CFAP47: variants seen among roughly 807,000 people sequenced by gnomAD.
The protein encoded by CFAP47 is cilia and flagella associated protein 47, also known as cilia- and flagella-associated protein 47.
A neutral mutation model predicts 148.1 loss-of-function variants in CFAP47; 29 were observed. That is an observed-to-expected ratio of 0.20 (90% CI 0.15 to 0.27). The LOEUF is 0.27. Ranked by LOEUF, CFAP47 falls within the 10% of genes least tolerant of loss-of-function variation. The pLI is 1.00. For synonymous variants in CFAP47, 664 were observed against 577.3 expected (o/e 1.15, Z -2.15); for missense variants, 1,872 against 1,697.5 (o/e 1.10, Z -1.81).
At position 36,137,966 on chromosome X, in the gene CFAP47, C is replaced by T; in HGVS notation, c.5329C>T (p.Pro1777Ser). 1 of 713,574 alleles carries T rather than the reference C, an allele frequency of 1.4e-6. No homozygotes were observed. The highest frequency in any genetic ancestry group is 2.2e-6 in the Non-Finnish European group (1 of 455,172). 58.8% of individuals were successfully genotyped at this position (713,574 alleles called of 1,213,427 possible). ...CCTCTTTTTTGAAACAGATGTTATC[C>T]CTTCTGAGAGATGGATAGTAAATTT... ...IWKNCHKDVI[P>S]SERWIVNFDK... Residue 1777 changes from proline (P) to serine (S), a missense_variant, in exon 34 of 64, where the codon CCT becomes TCT. Coordinates refer to ENST00000378653, the MANE Select transcript of CFAP47 (RefSeq NM_001304548.2).
intron 4 of CFAP47, among the ~76,000 whole-genome samples, chrX:35,948,811 G>A (rs1404174874): frequency 9.1e-6 from 1 of 109,614 alleles, no homozygotes; most frequent in Non-Finnish European, 1.9e-5. Context: ...GTGTGTGTGT[G>A]TGTGTGTAGG....
intron 37 of CFAP47, among the ~76,000 whole-genome samples, chrX:36,154,061 T>C (rs1427473575): frequency 8.9e-6 from 1 of 112,067 alleles, no homozygotes; most frequent in African/African-American, 3.2e-5. Flanking sequence ...AATCTCCTTA[T>C]CAAACAGTTC....
intron 6 of CFAP47, among the ~76,000 whole-genome samples, chrX:35,953,204 A>G (rs1491003441): frequency 8.9e-6 from 1 of 112,314 alleles, no homozygotes; most frequent in Admixed American, 9.5e-5. Flanking sequence ...ATTTGTAACA[A>G]ATGTTTTTTA....
At chrX:35,932,249 T>A (rs1021639975) in intron 2 of CFAP47, among the ~76,000 whole-genome samples, 7 of 104,928 alleles carry the variant, frequency 6.7e-5, no homozygotes, top group Non-Finnish European at 1.4e-4. Context: ...TTTTCTTTTC[T>A]TTCTTTCTTT....
At chrX:35,933,191 C>T (rs766583211) in intron 2 of CFAP47, among the ~76,000 whole-genome samples, 23 of 110,253 alleles carry the variant, frequency 2.1e-4, no homozygotes, top group South Asian at 1.2e-3. Flanking sequence ...TATTTTTACA[C>T]GCATTAACCC....
chrX:36,311,325 T>A (rs915957881), intron 56 of CFAP47, among the ~76,000 whole-genome samples: 8 of 111,279 alleles, frequency 7.2e-5, no homozygotes, highest in Admixed American at 9.6e-5. Flanking sequence ...ATAGAAATTC[T>A]GATATGGTGA....
chrX:36,144,241 A>G (rs898770408), intron 35 of CFAP47, among the ~76,000 whole-genome samples: 2 of 111,179 alleles, frequency 1.8e-5, no homozygotes, highest in Non-Finnish European at 3.8e-5. Flanking sequence ...CATAATTTCT[A>G]GAGTGTAGTG....
intron 40 of CFAP47, among the ~76,000 whole-genome samples, chrX:36,181,656 A>G (rs989975734): frequency 4.5e-5 from 5 of 112,215 alleles, no homozygotes; most frequent in Admixed American, 1.9e-4. Flanking sequence ...ATGCTGAGAC[A>G]TTGAGTGTTG....
intron 33 of CFAP47, among the ~76,000 whole-genome samples, chrX:36,121,403 G>C (rs1350011579): frequency 9.0e-6 from 1 of 110,672 alleles, no homozygotes; most frequent in Non-Finnish European, 1.9e-5. Context: ...CTGCCATTTT[G>C]TTGCTTGTTT....
In CFAP47 at chrX:36,033,210, C is replaced by T. The variant is rs145939927; in HGVS notation, c.3651+1863C>T. 4.4e-3 allele frequency among the ~76,000 whole-genome samples: 488 copies of T among 111,951 alleles called. 1 individual carries two copies. Among genetic ancestry groups the T allele is most frequent in the African/African-American group, 0.015 (465 of 30,918 alleles). On this transcript the variant is annotated intron_variant, in intron 23 of 63. Coordinates refer to ENST00000378653, the MANE Select transcript of CFAP47 (RefSeq NM_001304548.2). The stretch of plus-strand genomic sequence containing the variant: ...AGAAAACTAACATAAGCCATATTGG[C>T]GTCACATTTAGATAAAAACTCAAAT...
chrX:36,116,236 T>C (rs1198549095), intron 33 of CFAP47, among the ~76,000 whole-genome samples: 1 of 111,399 alleles, frequency 9.0e-6, no homozygotes, highest in Non-Finnish European at 1.9e-5. Flanking sequence ...CCTTTTTGAG[T>C]CTCCAGTGTC....
intron 39 of CFAP47, among the ~76,000 whole-genome samples, chrX:36,169,117 T>C (rs933338475): frequency 2.7e-5 from 3 of 111,272 alleles, no homozygotes; most frequent in African/African-American, 9.8e-5. Flanking sequence ...TCTTCCAGCA[T>C]TTCAGATGGA....
chrX:36,290,702 C>A (rs1190282765), intron 51 of CFAP47, among the ~76,000 whole-genome samples: 1 of 112,349 alleles, frequency 8.9e-6, no homozygotes, highest in Non-Finnish European at 1.9e-5. Context: ...TATCAAGGGG[C>A]TCTCCCCATC....
chrX:36,257,316 A>G (rs1487768855), intron 49 of CFAP47, among the ~76,000 whole-genome samples: 1 of 112,231 alleles, frequency 8.9e-6, no homozygotes, highest in Non-Finnish European at 1.9e-5. Context: ...ATTTAAGCAT[A>G]TGAACAAAAC....
At chrX:36,346,476 C>A (rs781885016) in intron 57 of CFAP47, among the ~76,000 whole-genome samples, 64 of 111,580 alleles carry the variant, frequency 5.7e-4, no homozygotes, top group African/African-American at 2.0e-3. Context: ...CAACTAGGAG[C>A]AGATGCCCCT....
At chrX:36,053,476 A>G (rs975494768) in intron 26 of CFAP47, among the ~76,000 whole-genome samples, 2 of 111,554 alleles carry the variant, frequency 1.8e-5, no homozygotes, top group African/African-American at 6.5e-5. Flanking sequence ...ATAATACCAT[A>G]CACTTGTCCA....
intron 47 of CFAP47, among the ~76,000 whole-genome samples, 191 bp downstream of exon 47, chrX:36,236,268 TAAC>T (rs1940464393): frequency 8.9e-6 from 1 of 112,435 alleles, no homozygotes; most frequent in East Asian, 2.8e-4. Flanking sequence ...ATCATGAACA[TAAC>T]AATATTTTTG....
intron 60 of CFAP47, among the ~76,000 whole-genome samples, chrX:36,356,394 T>A (rs1480391099): frequency 9.0e-6 from 1 of 111,243 alleles, no homozygotes; most frequent in Non-Finnish European, 1.9e-5. Flanking sequence ...TAGACCAGTC[T>A]CTTCTCAAAT....
At chrX:36,160,853 T>C in intron 39 of CFAP47, 84 bp downstream of exon 39, 1 of 181,844 alleles carries the variant, frequency 5.5e-6, no homozygotes, top group East Asian at 9.1e-5. Context: ...TTTCTTTCTT[T>C]TTTTTTTTTT....
Sources: gnomAD v4.1 joint callset for allele counts (sites outside exome capture counted in the v4.1 genomes callset) on GRCh38, gnomAD v4.1.1 for gene constraint, MANE v1.5 for transcripts, NCBI Gene and HGNC (gene_info 2026-07-23, HGNC 2026-07-21) for gene names.